The following GCNT2 variants were observed in gnomAD, a reference collection of about 807,000 sequenced individuals.
GCNT2 encodes the protein N-acetyllactosaminide beta-1,6-N-acetylglucosaminyl-transferase.
Under a neutral mutation model 34.2 loss-of-function variants are expected in GCNT2, and 34 were observed. That is an observed-to-expected ratio of 1.00 (90% CI 0.76 to 1.32). The LOEUF is 1.32. Among genes scored for constraint, GCNT2 ranks in the 40% most tolerant of loss-of-function variants. The pLI, the probability that GCNT2 is intolerant of heterozygous loss-of-function variation, is 0.00. For synonymous variants in GCNT2, 212 were observed against 188.0 expected, an observed-to-expected ratio of 1.13 and a Z score of -1.04; for missense variants, 584 against 489.4, an observed-to-expected ratio of 1.19 and a Z score of -1.82.
chr6:10,622,282 C>T (rs1462425696), intron 4 of GCNT2, among the ~76,000 whole-genome samples: 1 of 152,196 alleles, frequency 6.6e-6, no homozygotes, highest in East Asian at 1.9e-4. Flanking sequence ...GCTGCCATAA[C>T]AAAGTGGCAC....
intron 3 of GCNT2, among the ~76,000 whole-genome samples, chr6:10,572,597 A>G (rs1189182016): frequency 6.6e-6 from 1 of 151,888 alleles, no homozygotes; most frequent in Non-Finnish European, 1.5e-5. Context: ...AGCCGGACCT[A>G]GTGGCGGGCG....
intron 3 of GCNT2, chr6:10,555,607 C>A: frequency 3.4e-6 from 1 of 291,492 alleles, no homozygotes; most frequent in Non-Finnish European, 5.1e-6. Flanking sequence ...TATTCTAAGA[C>A]AAACACCACA....
chr6:10,618,153 T>C (rs1161336788), intron 3 of GCNT2, among the ~76,000 whole-genome samples: 1 of 152,222 alleles, frequency 6.6e-6, no homozygotes, highest in Admixed American at 6.5e-5. Flanking sequence ...CCTGCCACTT[T>C]CTGCGCCTCA....
intron 3 of GCNT2, chr6:10,574,876 T>C: frequency 1.4e-6 from 1 of 698,208 alleles, no homozygotes; most frequent in Non-Finnish European, 2.7e-6. Flanking sequence ...CTCTTTGTCT[T>C]CTTTCTTTTT....
At chr6:10,544,302 A>T (rs973767867) in intron 3 of GCNT2, among the ~76,000 whole-genome samples, 1 of 146,938 alleles carries the variant, frequency 6.8e-6, no homozygotes, top group East Asian at 2.0e-4. Context: ...CGACAGCAAG[A>T]CTCTGTCTCA....
At chr6:10,564,341 C>T (rs1763183496) in intron 3 of GCNT2, among the ~76,000 whole-genome samples, 1 of 152,158 alleles carries the variant, frequency 6.6e-6, no homozygotes. Context: ...TAAACTCAGA[C>T]TCTCCCCTTT....
intron 3 of GCNT2, among the ~76,000 whole-genome samples, chr6:10,536,293 C>G (rs1453186711): frequency 6.6e-6 from 1 of 152,108 alleles, no homozygotes; most frequent in East Asian, 1.9e-4. Flanking sequence ...GGGATTTTTA[C>G]TATTAGCTCC....
At chr6:10,576,932 TAATAATAAAATTA>T (rs1256784497) in intron 3 of GCNT2, among the ~76,000 whole-genome samples, 1 of 151,724 alleles carries the variant, frequency 6.6e-6, no homozygotes, top group African/African-American at 2.4e-5. Flanking sequence ...ATAATAATAA[TAATAATAAAATTA>T]GCCAAGTGCC....
At chr6:10,523,468 T>C (rs1043540648) in intron 1 of GCNT2, among the ~76,000 whole-genome samples, 1 of 151,556 alleles carries the variant, frequency 6.6e-6, no homozygotes, top group African/African-American at 2.4e-5. Context: ...TCTCTTATAG[T>C]TTCCTATTAC....
rs1483793489 is a variant in GCNT2, at chr6:10,585,062, TGTGTGTGTGTGTGTGTGCGC to T, written c.926-36287_926-36268del. Among the ~76,000 whole-genome samples, 810 of 138,848 alleles carry T rather than the reference TGTGTGTGTGTGTGTGTGCGC, an allele frequency of 5.8e-3. 15 individuals are homozygous for T. Among genetic ancestry groups the T allele is most frequent in the African/African-American group, 0.024 (768 of 31,454 alleles). The allele number at this position is 138,848 out of a possible 152,430, so 91.1% of individuals were successfully genotyped here. On this transcript the variant is annotated intron_variant, in intron 3 of 4. Transcript: ENST00000495262. ...GTGTGTGTGTGTGTGTGTGTGTGTG[TGTGTGTGTGTGTGTGTGCGC>T]GCTATATTCTGACACATCATTAGAA...
chr6:10,595,886 C>A (rs983404389), intron 3 of GCNT2, among the ~76,000 whole-genome samples: 1 of 152,086 alleles, frequency 6.6e-6, no homozygotes, highest in Non-Finnish European at 1.5e-5. Flanking sequence ...CCTCACATGC[C>A]CATCAGCCAG....
intron 3 of GCNT2, among the ~76,000 whole-genome samples, chr6:10,620,628 A>G (rs1443676292): frequency 6.6e-6 from 1 of 151,960 alleles, no homozygotes. Context: ...GGATCTTCTT[A>G]CCTCGGCCTC....
chr6:10,593,425 C>A (rs1217390110), intron 3 of GCNT2, among the ~76,000 whole-genome samples: 1 of 152,168 alleles, frequency 6.6e-6, no homozygotes, highest in Non-Finnish European at 1.5e-5. Context: ...GCAGCCTCAG[C>A]CTTCTGGGCT....
intron 3 of GCNT2, among the ~76,000 whole-genome samples, chr6:10,615,603 G>C (rs926137130): frequency 3.9e-5 from 6 of 152,156 alleles, no homozygotes; most frequent in African/African-American, 1.4e-4. Context: ...CCCAAGAGAG[G>C]GTTCTTGGAT....
intron 3 of GCNT2, among the ~76,000 whole-genome samples, chr6:10,587,873 C>T (rs1054174273): frequency 2.6e-5 from 4 of 152,096 alleles, no homozygotes; most frequent in Non-Finnish European, 5.9e-5. Context: ...ACAGTGACCC[C>T]GACAAGCCTC....
At chr6:10,548,127 A>T (rs567834713) in intron 3 of GCNT2, among the ~76,000 whole-genome samples, 1 of 152,354 alleles carries the variant, frequency 6.6e-6, no homozygotes, top group Non-Finnish European at 1.5e-5. Flanking sequence ...TGGGAAGCTG[A>T]AACAGGAGGA....
At chr6:10,527,876 A>T (rs536829793) in intron 2 of GCNT2, among the ~76,000 whole-genome samples, 1 of 151,076 alleles carries the variant, frequency 6.6e-6, no homozygotes, top group East Asian at 1.9e-4. Context: ...TTTACAGATT[A>T]AAAAAAAAGC....
At chr6:10,558,517 A>G (rs1762826755) in intron 3 of GCNT2, among the ~76,000 whole-genome samples, 10 of 152,224 alleles carry the variant, frequency 6.6e-5, no homozygotes, top group Admixed American at 6.5e-4. Flanking sequence ...TACCAGACCG[A>G]TTGTTTTTTA....
At chr6:10,596,753 G>C (rs1262609703) in intron 3 of GCNT2, among the ~76,000 whole-genome samples, 1 of 151,316 alleles carries the variant, frequency 6.6e-6, no homozygotes, top group African/African-American at 2.4e-5. Context: ...AAAAGACAAT[G>C]AGTCCAAAGT....
Sources: allele counts gnomAD v4.1 joint callset (sites outside exome capture counted in the v4.1 genomes callset), GRCh38; gene constraint gnomAD v4.1.1; transcripts MANE v1.5; gene names NCBI Gene and HGNC (gene_info 2026-07-23, HGNC 2026-07-21).